DYNC1LI1: variants seen among roughly 807,000 people sequenced by gnomAD.
The protein encoded by DYNC1LI1 is cytoplasmic dynein 1 light intermediate chain 1.
Under a neutral mutation model 63.8 loss-of-function variants are expected in DYNC1LI1, and 19 were observed. That is an observed-to-expected ratio of 0.30 (90% confidence interval 0.21 to 0.44). The LOEUF is 0.44. Ranked by LOEUF, DYNC1LI1 falls within the 20% of genes least tolerant of loss-of-function variation. The pLI, the probability that DYNC1LI1 is intolerant of heterozygous loss-of-function variation, is 1.00. For synonymous variants in DYNC1LI1, 225 were observed against 232.3 expected, an observed-to-expected ratio of 0.97 and a Z score of 0.28; for missense variants, 565 against 630.2, an observed-to-expected ratio of 0.90 and a Z score of 1.11.
At chr3:32,568,831 G>A (rs2125447988) in intron 2 of DYNC1LI1, among the ~76,000 whole-genome samples, 1 of 152,234 alleles carries the variant, frequency 6.6e-6, no homozygotes, top group Admixed American at 6.5e-5. Context: ...TTTCAATGAG[G>A]TCATATGAGC....
At chr3:32,544,598 T>A (rs1311505830) in intron 4 of DYNC1LI1, among the ~76,000 whole-genome samples, 1 of 152,002 alleles carries the variant, frequency 6.6e-6, no homozygotes, top group African/African-American at 2.4e-5. Context: ...TGAAACCCCG[T>A]CTCTACTAAA....
At chr3:32,530,400 T>TA in intron 9 of DYNC1LI1, 61 bp downstream of exon 9, 1 of 1,590,574 alleles carries the variant, frequency 6.3e-7, no homozygotes, top group Non-Finnish European at 8.6e-7. Flanking sequence ...TTAAAGAAAA[T>TA]ACACACAAGA....
rs1697723389 is a variant in DYNC1LI1 at position 32,533,029 on chromosome 3, TCTG to T, written c.1034_1036del (p.Ala345del). ...AGTTATGATGTCTTCAAAATTATCTTCTGCTTTTAATGTTTGAAAATTTTCATG... is the reference window on the plus strand; with the variant it reads ...AGTTATGATGTCTTCAAAATTATCTTCTTTTAATGTTTGAAAATTTTCATG... On this transcript the variant is annotated inframe_deletion, in exon 8 of 13. Transcript: ENST00000273130. The T allele has an allele frequency of 1.9e-6, 3 of 1,603,884 alleles. No individual in the cohort carries two copies. Among genetic ancestry groups the T allele is most frequent in the Non-Finnish European group, 2.5e-6 (3 of 1,177,802 alleles).
rs1697932761 is a variant in DYNC1LI1 at position 32,544,980 on chromosome 3, G to T, written c.464C>A (p.Pro155His). ...LVMLVVDMSK[P>H]WTALDSLQKW... The stretch of plus-strand genomic sequence containing the variant: ...CTGTAAAGAATCCAAAGCAGTCCAA[G>T]GCTTTGACATGTCAACAACCAGCAT... The change falls in exon 4 of 13, where the codon CCT becomes CAT. Residue 155 changes from proline (P) to histidine (H), a missense_variant. Transcript: ENST00000273130. The T allele has an allele frequency of 1.9e-6, 3 of 1,613,952 alleles. No homozygotes were observed. Among genetic ancestry groups the T allele is most frequent in the Non-Finnish European group, 2.5e-6 (3 of 1,179,858 alleles).
chr3:32,563,473 G>C (rs1019443351), intron 2 of DYNC1LI1, among the ~76,000 whole-genome samples: 2 of 151,854 alleles, frequency 1.3e-5, no homozygotes, highest in Non-Finnish European at 2.9e-5. Flanking sequence ...TCTGTTTTTA[G>C]TAGAAATGGG....
chr3:32,535,344 A>C (rs1697759963), intron 6 of DYNC1LI1, among the ~76,000 whole-genome samples: 1 of 152,236 alleles, frequency 6.6e-6, no homozygotes, highest in Non-Finnish European at 1.5e-5. Flanking sequence ...CCACTGACAG[A>C]TGATGGATTC....
intron 8 of DYNC1LI1, chr3:32,531,225 A>C (rs1201925315): frequency 6.6e-6 from 1 of 152,212 alleles, no homozygotes; most frequent in East Asian, 1.9e-4. Flanking sequence ...ACTGTAGCCT[A>C]ATGATAAAGA....
chr3:32,530,427 C>G, intron 9 of DYNC1LI1, 34 bp downstream of exon 9: 1 of 1,606,766 alleles, frequency 6.2e-7, no homozygotes, highest in Non-Finnish European at 8.5e-7. Context: ...TACCCATTAA[C>G]CATACTAAGT....
At chr3:32,550,830 T>C (rs898065491) in intron 2 of DYNC1LI1, among the ~76,000 whole-genome samples, 6 of 152,094 alleles carry the variant, frequency 3.9e-5, no homozygotes, top group Admixed American at 2.0e-4. Context: ...AGAAGCCACA[T>C]TGAAAACCAT....
At chr3:32,531,372 C>A (rs552081215) in intron 8 of DYNC1LI1, 7 of 152,510 alleles carry the variant, frequency 4.6e-5, no homozygotes, top group Non-Finnish European at 7.3e-5. Context: ...CATTCTCCCC[C>A]CTTTATCAAA....
intron 2 of DYNC1LI1, among the ~76,000 whole-genome samples, chr3:32,569,169 G>A (rs899991121): frequency 1.4e-4 from 22 of 152,168 alleles, no homozygotes; most frequent in Admixed American, 1.4e-3. Flanking sequence ...GTTTATAGAT[G>A]TCAAGCAACT....
intron 5 of DYNC1LI1, among the ~76,000 whole-genome samples, chr3:32,537,926 A>AT (rs1553617866): frequency 1.2e-4 from 3 of 24,854 alleles, no homozygotes; most frequent in African/African-American, 3.7e-4. Context: ...TTATATATAT[A>AT]ATATATATAT....
intron 2 of DYNC1LI1, among the ~76,000 whole-genome samples, chr3:32,566,379 T>A (rs923578729): frequency 1.6e-4 from 24 of 152,234 alleles, no homozygotes; most frequent in African/African-American, 5.5e-4. Context: ...TATTATTATT[T>A]ATTTTCCTTA....
At chr3:32,547,653 T>C (rs892690278) in intron 2 of DYNC1LI1, among the ~76,000 whole-genome samples, 1 of 152,142 alleles carries the variant, frequency 6.6e-6, no homozygotes, top group African/African-American at 2.4e-5. Flanking sequence ...GAGCAGTCAA[T>C]TCCATATTCA....
At chr3:32,538,938 CAGT>C (rs1174676698) in intron 5 of DYNC1LI1, among the ~76,000 whole-genome samples, 1 of 152,088 alleles carries the variant, frequency 6.6e-6, no homozygotes, top group African/African-American at 2.4e-5. Flanking sequence ...TTATGAAATA[CAGT>C]AGATGATCTA....
intron 2 of DYNC1LI1, among the ~76,000 whole-genome samples, chr3:32,561,886 A>C (rs1698199853): frequency 6.6e-6 from 1 of 152,198 alleles, no homozygotes; most frequent in South Asian, 2.1e-4. Context: ...CACGAAGTGA[A>C]CCATGGTACA....
intron 2 of DYNC1LI1, among the ~76,000 whole-genome samples, chr3:32,550,268 C>G (rs552174192): frequency 3.9e-5 from 6 of 152,094 alleles, no homozygotes; most frequent in Non-Finnish European, 8.8e-5. Context: ...CCCGTCTCTA[C>G]TAAAAATACA....
chr3:32,544,798 G>T, intron 4 of DYNC1LI1, 78 bp downstream of exon 4: 1 of 1,038,348 alleles, frequency 9.6e-7, no homozygotes, highest in Non-Finnish European at 1.4e-6. Flanking sequence ...CTTTTTTATA[G>T]TCAAAAATTC....
Position 32,570,708 on chromosome 3 carries a change from G to A in DYNC1LI1, c.63C>T (p.Tyr21=). The change falls in exon 1 of 13, where the codon TAC becomes TAT. Residue 21 remains tyrosine (Y), a synonymous_variant. Transcript: ENST00000273130. The part of the protein sequence containing the change: ...GSSPPGLSST[Y]TGGPLGNEIA... ...TCTCGTTGCCCAAGGGGCCGCCAGT[G>A]TAAGTCGAGGATAATCCCGGCGGAG... The A allele has an allele frequency of 6.2e-7, 1 of 1,609,654 alleles. No homozygotes were observed. The highest frequency in any genetic ancestry group is 2.2e-5 in the East Asian group (1 of 44,456).
Sources: gnomAD v4.1 joint callset for allele counts (sites outside exome capture counted in the v4.1 genomes callset) on GRCh38, gnomAD v4.1.1 for gene constraint, MANE v1.5 for transcripts, NCBI Gene and HGNC (gene_info 2026-07-23, HGNC 2026-07-21) for gene names.